The following MTHFD1L variants were observed in gnomAD, a reference collection of about 807,000 sequenced individuals.
MTHFD1L encodes methylenetetrahydrofolate dehydrogenase (NADP+ dependent) 1 like, also known as monofunctional C1-tetrahydrofolate synthase, mitochondrial.
In MTHFD1L, 81 loss-of-function variants were observed where a neutral mutation model predicts 119.5. The observed-to-expected ratio is 0.68, with a 90% CI of 0.57 to 0.82. The LOEUF is 0.82. Ranked by LOEUF, MTHFD1L falls within the 40% of genes least tolerant of loss-of-function variation. The pLI is 0.00. For synonymous variants in MTHFD1L, 430 were observed against 475.2 expected (o/e 0.90, Z 1.24); for missense variants, 1,125 against 1,253.4 (o/e 0.90, Z 1.55).
rs544911777 is a variant in MTHFD1L at position 150,954,161 on chromosome 6, A to G, written c.1727-1834A>G. On this transcript the variant is annotated intron_variant, in intron 16 of 27. Transcript: ENST00000367321. ...AGAAAAGGTTAACTTTCTTCATCCT[A>G]CGGATGCCTATAGTACCAAATACGT... 3.2e-4 allele frequency among the ~76,000 whole-genome samples: 49 copies of G among 152,318 alleles called. 1 individual carries two copies. The highest frequency in any genetic ancestry group is 2.1e-4 in the South Asian group (1 of 4,828).
chr6:151,005,752 C>T (rs1034985238), intron 20 of MTHFD1L, among the ~76,000 whole-genome samples: 3 of 151,796 alleles, frequency 2.0e-5, no homozygotes, highest in East Asian at 1.9e-4. Context: ...CCAGCCTGGG[C>T]GACAAGAGTG....
rs374447294 is a variant in MTHFD1L, at chr6:151,014,964, G to T, written c.2392G>T (p.Ala798Ser). The change falls in exon 23 of 28, where the codon GCT becomes TCT. Residue 798 changes from alanine to serine, a missense_variant. Around this residue, in one of 3 missense-constraint regions of MTHFD1L, gnomAD observed 1,058 missense variants for 1,151.2 expected, o/e 0.92. Transcript: ENST00000367321. ...TQLFGVPVVVALNVFKTDTRA... is the reference protein window; with the variant it reads ...TQLFGVPVVVSLNVFKTDTRA... ...GCTCTTTGGGGTTCCCGTTGTGGTGGCTCTGAATGTCTTCAAGTAAGTCCA... is the reference window on the plus strand; with the variant it reads ...GCTCTTTGGGGTTCCCGTTGTGGTGTCTCTGAATGTCTTCAAGTAAGTCCA... 28 of 1,613,934 alleles carry T rather than the reference G, an allele frequency of 1.7e-5. No homozygotes were observed. Among genetic ancestry groups the T allele is most frequent in the Middle Eastern group, 1.6e-4 (1 of 6,082 alleles).
intron 16 of MTHFD1L, among the ~76,000 whole-genome samples, chr6:150,953,549 C>A (rs1026585719): frequency 6.6e-6 from 1 of 152,060 alleles, no homozygotes; most frequent in African/African-American, 2.4e-5. Flanking sequence ...ATTCAGAGAC[C>A]AGGAATTCCA....
intron 26 of MTHFD1L, among the ~76,000 whole-genome samples, chr6:151,072,625 C>T (rs558515665): frequency 5.9e-5 from 9 of 151,924 alleles, no homozygotes; most frequent in South Asian, 4.2e-4. Flanking sequence ...CCCGTCTCTA[C>T]CAAAAATACA....
intron 11 of MTHFD1L, chr6:150,935,116 T>C: frequency 6.2e-7 from 1 of 1,613,872 alleles, no homozygotes; most frequent in South Asian, 1.1e-5. Context: ...ATACCATACC[T>C]ACCAAAGGAT....
At chr6:150,978,755 A>G (rs983480577) in intron 20 of MTHFD1L, among the ~76,000 whole-genome samples, 2 of 152,148 alleles carry the variant, frequency 1.3e-5, no homozygotes, top group Non-Finnish European at 1.5e-5. Context: ...CAGTGTTACT[A>G]TCCTCATCTT....
intron 5 of MTHFD1L, 40 bp downstream of exon 5, chr6:150,882,926 A>G (rs961892603): frequency 4.6e-6 from 7 of 1,524,138 alleles, no homozygotes; most frequent in Non-Finnish European, 6.1e-6. Flanking sequence ...TTATGGCTAA[A>G]TCACTTTTTC....
intron 26 of MTHFD1L, among the ~76,000 whole-genome samples, chr6:151,058,373 T>C (rs933803308): frequency 1.3e-5 from 2 of 152,202 alleles, no homozygotes; most frequent in Non-Finnish European, 2.9e-5. Context: ...TTTTGGCATT[T>C]GTCCTGGCAA....
intron 24 of MTHFD1L, among the ~76,000 whole-genome samples, chr6:151,029,423 A>C (rs1785032407): frequency 6.6e-6 from 1 of 151,406 alleles, no homozygotes; most frequent in Admixed American, 6.6e-5. Flanking sequence ...CTCTGTCTCA[A>C]ATAAATAAAT....
chr6:151,099,667 A>C (rs951389663), intron 27 of MTHFD1L: 34 of 1,606,488 alleles, frequency 2.1e-5, no homozygotes, highest in Non-Finnish European at 2.9e-5. Flanking sequence ...GGTTCGTAGA[A>C]GATTCAGGGT....
At chr6:151,090,195 T>G (rs747416531) in intron 26 of MTHFD1L, among the ~76,000 whole-genome samples, 1 of 152,190 alleles carries the variant, frequency 6.6e-6, no homozygotes, top group Non-Finnish European at 1.5e-5. Flanking sequence ...GGCCTGCAGG[T>G]GCACAGATTT....
intron 20 of MTHFD1L, among the ~76,000 whole-genome samples, chr6:150,985,847 T>C (rs143727850): frequency 0.029 from 4,410 of 152,208 alleles, 208 homozygotes; most frequent in Admixed American, 0.14. Flanking sequence ...GCCTCAGCCT[T>C]GCACTGTGGA....
chr6:151,009,795 C>T, intron 20 of MTHFD1L, 24 bp from the exon 21 acceptor site: 3 of 1,612,904 alleles, frequency 1.9e-6, no homozygotes, highest in Non-Finnish European at 2.5e-6. Flanking sequence ...GATAATAGCA[C>T]ATATTCCACT....
At chr6:150,907,706 TC>T (rs34346656) in intron 8 of MTHFD1L, among the ~76,000 whole-genome samples, 13,492 of 152,164 alleles carry the variant, frequency 0.089, 880 homozygotes, top group Admixed American at 0.21. Flanking sequence ...CATGTCCCTT[TC>T]CCACCATCAT....
At chr6:151,011,103 G>A (rs546583334) in intron 21 of MTHFD1L, among the ~76,000 whole-genome samples, 19 of 152,332 alleles carry the variant, frequency 1.2e-4, no homozygotes, top group Non-Finnish European at 4.4e-5. Context: ...GGATGTTAAT[G>A]AAGGGCAGAA....
intron 20 of MTHFD1L, among the ~76,000 whole-genome samples, chr6:151,007,285 A>G (rs925774545): frequency 9.9e-5 from 15 of 152,036 alleles, no homozygotes; most frequent in Admixed American, 2.6e-4. Context: ...TCTCTAGTTG[A>G]ATAGCAGATG....
chr6:151,061,404 C>T (rs1254305061), intron 26 of MTHFD1L, among the ~76,000 whole-genome samples: 2 of 152,124 alleles, frequency 1.3e-5, no homozygotes, highest in Admixed American at 6.6e-5. Flanking sequence ...GTAATGGTCA[C>T]GTACCAAATT....
chr6:150,880,854 G>A (rs542729288), intron 4 of MTHFD1L, among the ~76,000 whole-genome samples: 14 of 152,238 alleles, frequency 9.2e-5, no homozygotes, highest in African/African-American at 3.4e-4. Flanking sequence ...GATGTTGAGT[G>A]TTTTGTCATA....
chr6:151,008,945 C>T lies in MTHFD1L; in HGVS notation c.2126-874C>T, dbSNP rs184589273. Reference sequence around the variant, plus strand: ...CAGCCTGGCCAACATGGCAAAAACCCGTCTCTACTAACAATAAAAAAAAAA... The same window carrying T: ...CAGCCTGGCCAACATGGCAAAAACCTGTCTCTACTAACAATAAAAAAAAAA... On this transcript the variant is annotated intron_variant, in intron 20 of 27. Coordinates refer to ENST00000367321, the MANE Select transcript of MTHFD1L (RefSeq NM_015440.5). 2.2e-3 allele frequency among the ~76,000 whole-genome samples: 331 copies of T among 149,734 alleles called. 2 individuals are homozygous for T. Among genetic ancestry groups the T allele is most frequent in the African/African-American group, 8.0e-3 (318 of 39,916 alleles).
Sources: gnomAD v4.1 joint callset for allele counts (sites outside exome capture counted in the v4.1 genomes callset) on GRCh38, gnomAD v4.1.1 for gene constraint, gnomAD v4.1.1 regional missense constraint, MANE v1.5 for transcripts, NCBI Gene and HGNC (gene_info 2026-07-23, HGNC 2026-07-21) for gene names.